The following ESRRG variants were observed in gnomAD, a reference collection of about 807,000 sequenced individuals.
The protein encoded by ESRRG is estrogen-related receptor gamma.
Under a neutral mutation model 44.0 loss-of-function variants are expected in ESRRG, and 13 were observed. The ratio of observed to expected loss-of-function variants is 0.30; its 90% confidence interval spans 0.19 to 0.47. The LOEUF (loss-of-function observed/expected upper bound fraction) is 0.47, where lower values mean the gene tolerates loss of function less well. ESRRG is among the 20% of genes least tolerant of loss of function. ESRRG has a pLI of 1.00. For synonymous variants in ESRRG, 215 were observed against 214.6 expected (o/e 1.00, Z -0.02); for missense variants, 395 against 580.6 (o/e 0.68, Z 3.29).
chr1:216,623,100 T>TC (rs71161438), intron 3 of ESRRG, among the ~76,000 whole-genome samples: 1 of 145,674 alleles, frequency 6.9e-6, no homozygotes, highest in East Asian at 2.0e-4. Context: ...TTTTTTTTTT[T>TC]GAGATGGAGT....
Position 216,602,667 on chromosome 1 carries a change from C to T in ESRRG, c.590-34569G>A, listed in dbSNP as rs552933648. On this transcript the variant is annotated intron_variant, in intron 3 of 6. Transcript: ENST00000408911. Reference sequence around the variant, plus strand: ...CTGCAAGGATTATTCTAAAATTTCACAAGAATTTCCCTGACATACACTATA... The same window carrying T: ...CTGCAAGGATTATTCTAAAATTTCATAAGAATTTCCCTGACATACACTATA... 5.9e-5 allele frequency among the ~76,000 whole-genome samples: 9 copies of T among 152,268 alleles called. No homozygotes were observed. In the South Asian group the frequency reaches 1.9e-3, roughly 32 times the overall value.
chr1:216,703,985 G>T (rs554341412), intron 1 of ESRRG, among the ~76,000 whole-genome samples: 59 of 152,122 alleles, frequency 3.9e-4, no homozygotes, highest in African/African-American at 1.1e-3. Context: ...TTGGGAAAAG[G>T]CTGGGTATAA....
At chr1:216,870,815 G>A (rs1184566485) in intron 2 of ESRRG, among the ~76,000 whole-genome samples, 2 of 151,686 alleles carry the variant, frequency 1.3e-5, no homozygotes, top group African/African-American at 2.4e-5. Flanking sequence ...CCTTTTAATG[G>A]TTGTAGGATC....
chr1:216,544,979 T>C (rs2149314164), intron 5 of ESRRG, among the ~76,000 whole-genome samples: 1 of 152,114 alleles, frequency 6.6e-6, no homozygotes, highest in South Asian at 2.1e-4. Context: ...TATCCTCATA[T>C]ATTTTCAAGT....
intron 1 of ESRRG, among the ~76,000 whole-genome samples, chr1:216,702,795 A>AT (rs2081661648): frequency 1.3e-5 from 2 of 150,466 alleles, no homozygotes; most frequent in South Asian, 2.1e-4. Context: ...AAAAAAAAAA[A>AT]GATATTCCAG....
chr1:216,702,682 C>T (rs1168485876), intron 1 of ESRRG, among the ~76,000 whole-genome samples: 1 of 149,066 alleles, frequency 6.7e-6, no homozygotes, highest in Non-Finnish European at 1.5e-5. Flanking sequence ...GAAGCTGAGG[C>T]AGCAGAATCG....
chr1:217,051,908 C>T (rs924335430), intron 1 of ESRRG, among the ~76,000 whole-genome samples: 1 of 151,606 alleles, frequency 6.6e-6, no homozygotes, highest in Non-Finnish European at 1.5e-5. Flanking sequence ...AAACCACAGG[C>T]TCACACCACC....
chr1:216,694,087 AG>A (rs2079611838), intron 1 of ESRRG, among the ~76,000 whole-genome samples: 1 of 152,226 alleles, frequency 6.6e-6, no homozygotes, highest in Admixed American at 6.5e-5. Flanking sequence ...TTTAACTGGA[AG>A]GCCTGGTTTT....
intron 3 of ESRRG, among the ~76,000 whole-genome samples, chr1:216,572,723 C>T (rs531707740): frequency 5.9e-5 from 9 of 152,086 alleles, no homozygotes; most frequent in Admixed American, 2.0e-4. Context: ...AATTGGGATA[C>T]TACATTTCTT....
chr1:216,757,212 G>C (rs1223302832), intron 2 of ESRRG, among the ~76,000 whole-genome samples: 4 of 151,862 alleles, frequency 2.6e-5, no homozygotes, highest in Non-Finnish European at 5.9e-5. Context: ...TTTCGTTACT[G>C]GTTATTTATA....
chr1:217,030,388 G>T (rs1321992680), intron 1 of ESRRG, among the ~76,000 whole-genome samples: 1 of 152,092 alleles, frequency 6.6e-6, no homozygotes, highest in Admixed American at 6.6e-5. Context: ...TGACTCCCAG[G>T]TAGAAAATCA....
chr1:217,011,625 A>ACTCCTCTTC (rs760257424), intron 1 of ESRRG, among the ~76,000 whole-genome samples: 1 of 152,002 alleles, frequency 6.6e-6, no homozygotes, highest in East Asian at 1.9e-4. Context: ...CTAGCCTGGG[A>ACTCCTCTTC]TTGCTTTGGG....
chr1:216,576,325 C>A (rs1196694627), intron 3 of ESRRG, among the ~76,000 whole-genome samples: 5 of 125,314 alleles, frequency 4.0e-5, no homozygotes, highest in Non-Finnish European at 6.7e-5. Flanking sequence ...AAATGCATAT[C>A]CATTAGGAGG....
chr1:216,983,274 C>T (rs2150410075), intron 1 of ESRRG, among the ~76,000 whole-genome samples: 1 of 151,868 alleles, frequency 6.6e-6, no homozygotes, highest in African/African-American at 2.4e-5. Flanking sequence ...CTCTGTTACC[C>T]AGGTTGGAGA....
At chr1:216,888,330 G>T (rs926031991) in intron 2 of ESRRG, among the ~76,000 whole-genome samples, 41 of 152,088 alleles carry the variant, frequency 2.7e-4, no homozygotes, top group African/African-American at 9.7e-4. Flanking sequence ...TCAAATTGTA[G>T]TAATCTCAGG....
At chr1:217,006,794 C>T (rs2077807634) in intron 1 of ESRRG, among the ~76,000 whole-genome samples, 1 of 152,034 alleles carries the variant, frequency 6.6e-6, no homozygotes, top group Non-Finnish European at 1.5e-5. Flanking sequence ...AAATTTTCCA[C>T]TTGTGGTGTC....
chr1:217,012,145 A>G (rs2078713358), intron 1 of ESRRG, among the ~76,000 whole-genome samples: 1 of 152,130 alleles, frequency 6.6e-6, no homozygotes, highest in African/African-American at 2.4e-5. Context: ...AGTTTCATCC[A>G]TTTCTTAATA....
At chr1:216,607,286 A>G (rs2150247164) in intron 3 of ESRRG, among the ~76,000 whole-genome samples, 1 of 152,320 alleles carries the variant, frequency 6.6e-6, no homozygotes. Context: ...CTGGCCACCA[A>G]AACTGACAAT....
chr1:216,531,264 T>C lies in ESRRG; in HGVS notation c.863-11843A>G, dbSNP rs138900433. Among the ~76,000 whole-genome samples, 3 of 152,264 alleles carry C rather than the reference T, an allele frequency of 2.0e-5. No homozygotes were observed. In the East Asian group the frequency reaches 5.8e-4, roughly 29 times the overall value. ...TTAAAGACCTAGGCATAATTTGTGT[T>C]CTGGACAGCATGGAAAAGCAGCTTC... On this transcript the variant is annotated intron_variant, in intron 5 of 6. Coordinates refer to ENST00000408911, the MANE Select transcript of ESRRG (RefSeq NM_001438.4).
Sources: allele counts gnomAD v4.1 joint callset (sites outside exome capture counted in the v4.1 genomes callset), GRCh38; gene constraint gnomAD v4.1.1; transcripts MANE v1.5; gene names NCBI Gene and HGNC (gene_info 2026-07-23, HGNC 2026-07-21).